The following EYS variants were observed in gnomAD, a reference collection of about 807,000 sequenced individuals.
EYS encodes EGF-like photoreceptor maintenance factor.
Under a neutral mutation model 282.1 loss-of-function variants are expected in EYS, and 250 were observed. The ratio of observed to expected loss-of-function variants is 0.89; its 90% CI spans 0.80 to 0.98. EYS has a LOEUF of 0.98. EYS is among the 50% of genes least tolerant of loss of function. The pLI is 0.00. For missense variants in EYS, 4,016 were observed against 3,709.0 expected (o/e 1.08, Z -2.15); for synonymous variants, 1,355 against 1,282.9 (o/e 1.06, Z -1.20).
chr6:65,062,395 T>C (rs1035659751), intron 12 of EYS, among the ~76,000 whole-genome samples: 67 of 152,092 alleles, frequency 4.4e-4, no homozygotes, highest in African/African-American at 1.5e-3. Flanking sequence ...CCATCTCTAT[T>C]ACCAATATCT....
chr6:64,530,151 C>A (rs904421226), intron 26 of EYS, among the ~76,000 whole-genome samples: 1 of 151,952 alleles, frequency 6.6e-6, no homozygotes, highest in Non-Finnish European at 1.5e-5. Flanking sequence ...AGTAAAGTGG[C>A]TGCTTCAGTA....
At chr6:64,556,447 A>G (rs867318865) in intron 26 of EYS, among the ~76,000 whole-genome samples, 1 of 151,970 alleles carries the variant, frequency 6.6e-6, no homozygotes, top group South Asian at 2.1e-4. Flanking sequence ...GGATAAAAAT[A>G]CTATCAGTGG....
At chr6:64,699,340 G>A (rs983161030) in intron 22 of EYS, among the ~76,000 whole-genome samples, 1 of 152,048 alleles carries the variant, frequency 6.6e-6, no homozygotes, top group Non-Finnish European at 1.5e-5. Flanking sequence ...GAGCATGGGA[G>A]CAGACAGTGG....
chr6:65,168,612 C>A (rs975213523), intron 12 of EYS, among the ~76,000 whole-genome samples: 1 of 151,158 alleles, frequency 6.6e-6, no homozygotes, highest in Non-Finnish European at 1.5e-5. Context: ...GCTCCACCCA[C>A]CCTCCAATAC....
intron 12 of EYS, among the ~76,000 whole-genome samples, chr6:65,214,743 A>T (rs1234941061): frequency 1.3e-5 from 2 of 152,220 alleles, no homozygotes; most frequent in Non-Finnish European, 2.9e-5. Flanking sequence ...CAAAGCTTCA[A>T]ATCACAGGCT....
chr6:64,103,239 A>G (rs1206161116), intron 31 of EYS, among the ~76,000 whole-genome samples: 2 of 152,198 alleles, frequency 1.3e-5, no homozygotes, highest in Non-Finnish European at 2.9e-5. Flanking sequence ...CTTACCAGCA[A>G]AAGAAAAATG....
chr6:65,170,722 C>G (rs1765085835), intron 12 of EYS, among the ~76,000 whole-genome samples: 1 of 151,240 alleles, frequency 6.6e-6, no homozygotes, highest in African/African-American at 2.4e-5. Context: ...ATACATCAGC[C>G]AAATACTATG....
rs201831494 is a variant in EYS, at chr6:65,680,109, CACACACAA to C, written c.-448+27018_-448+27025del. Among the ~76,000 whole-genome samples the C allele has an allele frequency of 4.9e-3, 742 of 151,594 alleles. 5 individuals carry two copies. Among genetic ancestry groups the C allele is most frequent in the African/African-American group, 0.017 (700 of 41,346 alleles). The stretch of plus-strand genomic sequence containing the variant: ...TTTCACACACACACACACACACACA[CACACACAA>C]AGCAAATGTTCTCAATCAATATAAG... On this transcript the variant is annotated intron_variant, in intron 1 of 42. Transcript: ENST00000503581.
At chr6:65,355,058 T>C (rs1457556445) in intron 8 of EYS, among the ~76,000 whole-genome samples, 2 of 152,112 alleles carry the variant, frequency 1.3e-5, no homozygotes, top group African/African-American at 4.8e-5. Flanking sequence ...GTCCTCATTG[T>C]GATAGAAAAT....
At chr6:64,618,871 T>C (rs1767356488) in intron 23 of EYS, among the ~76,000 whole-genome samples, 1 of 152,200 alleles carries the variant, frequency 6.6e-6, no homozygotes, top group Admixed American at 6.5e-5. Context: ...AAAGCCAATA[T>C]GACTTTGTTG....
At chr6:65,434,726 TG>T (rs1768012153) in intron 5 of EYS, among the ~76,000 whole-genome samples, 1 of 152,140 alleles carries the variant, frequency 6.6e-6, no homozygotes, top group Admixed American at 6.6e-5. Context: ...CTTCTTCTCC[TG>T]AAAGATGCAT....
chr6:65,502,571 T>C (rs1766494416), intron 2 of EYS, among the ~76,000 whole-genome samples: 1 of 151,676 alleles, frequency 6.6e-6, no homozygotes, highest in African/African-American at 2.4e-5. Flanking sequence ...TTACTTAATG[T>C]CAATGCTTTA....
chr6:65,063,314 A>G (rs1334960920), intron 12 of EYS, among the ~76,000 whole-genome samples: 1 of 151,958 alleles, frequency 6.6e-6, no homozygotes, highest in Admixed American at 6.6e-5. Context: ...CTTTTTACAT[A>G]TATTTTGGTT....
At chr6:63,899,739 G>A (rs1442734648) in intron 35 of EYS, among the ~76,000 whole-genome samples, 1 of 152,132 alleles carries the variant, frequency 6.6e-6, no homozygotes, top group Non-Finnish European at 1.5e-5. Flanking sequence ...GTTTACTCAT[G>A]CCTCTCCCTT....
Position 65,347,523 on chromosome 6 carries a change from A to T in EYS, c.1460-3346T>A, listed in dbSNP as rs200844832. On this transcript the variant is annotated intron_variant, in intron 9 of 42. Coordinates refer to ENST00000503581, the MANE Select transcript of EYS (RefSeq NM_001142800.2). ...CACCAGTCTTTTCTTTCTGACATCA[A>T]CATTTTTAGTATTAACTATAAACAT... Among the ~76,000 whole-genome samples, 9 of 150,400 alleles carry T rather than the reference A, an allele frequency of 6.0e-5. No homozygotes were observed. In the East Asian group the frequency reaches 1.8e-3, roughly 30 times the overall value.
At chr6:64,351,507 T>C (rs1419145530) in intron 29 of EYS, among the ~76,000 whole-genome samples, 5 of 151,528 alleles carry the variant, frequency 3.3e-5, no homozygotes, top group African/African-American at 1.2e-4. Context: ...ATACAACATA[T>C]AGTTGTAAAT....
intron 1 of EYS, among the ~76,000 whole-genome samples, chr6:65,680,032 G>A (rs1458909186): frequency 6.6e-6 from 1 of 151,420 alleles, no homozygotes; most frequent in East Asian, 1.9e-4. Flanking sequence ...TAAAACTTGT[G>A]ACGTTGCTTT....
At chr6:64,813,265 G>A (rs1764649295) in intron 22 of EYS, 113 bp downstream of exon 22, 1 of 697,476 alleles carries the variant, frequency 1.4e-6, no homozygotes, top group Non-Finnish European at 2.3e-6. Flanking sequence ...TATATATAAG[G>A]TAAAATCTTA....
chr6:64,933,075 C>G (rs1489748283), intron 15 of EYS, among the ~76,000 whole-genome samples: 2 of 151,904 alleles, frequency 1.3e-5, no homozygotes, highest in Non-Finnish European at 2.9e-5. Context: ...TTTGAGGACA[C>G]CCGAATATTG....
Sources: allele counts gnomAD v4.1 joint callset (sites outside exome capture counted in the v4.1 genomes callset), GRCh38; gene constraint gnomAD v4.1.1; transcripts MANE v1.5; gene names NCBI Gene and HGNC (gene_info 2026-07-23, HGNC 2026-07-21).